LRRC49: variants seen among roughly 807,000 people sequenced by gnomAD.
LRRC49 encodes leucine-rich repeat-containing protein 49.
Under a neutral mutation model 83.3 loss-of-function variants are expected in LRRC49, and 50 were observed. That is an observed-to-expected ratio of 0.60 (90% CI 0.48 to 0.76). The LOEUF (loss-of-function observed/expected upper bound fraction) is 0.76, where lower values mean the gene tolerates loss of function less well. Among genes scored for constraint, LRRC49 ranks in the 30% least tolerant of loss-of-function variants. The pLI, the probability that LRRC49 is intolerant of heterozygous loss-of-function variation, is 0.00. For synonymous variants in LRRC49, 286 were observed against 283.3 expected (o/e 1.01, Z -0.10); for missense variants, 704 against 809.1 (o/e 0.87, Z 1.58).
In LRRC49 at chr15:70,904,702, T is replaced by C; in HGVS notation, c.447T>C (p.Ile149=). 1 of 1,613,750 alleles carries C rather than the reference T, an allele frequency of 6.2e-7. No homozygotes were observed. Among genetic ancestry groups the C allele is most frequent in the Non-Finnish European group, 8.5e-7 (1 of 1,179,742 alleles). Residue 149 remains isoleucine (I), a synonymous_variant, in exon 5 of 16, where the codon ATT becomes ATC. Coordinates refer to ENST00000260382, the MANE Select transcript of LRRC49 (RefSeq NM_017691.5). The part of the protein sequence containing the change: ...LDLYDNQIEE[I]SGLSTLRCLR... ...TATATGATAACCAGATTGAAGAAAT[T>C]AGTGGGCTTTCGACTCTGAGATGTC...
chr15:71,045,672 T>A (rs1276683194), intron 15 of LRRC49, among the ~76,000 whole-genome samples: 2 of 152,202 alleles, frequency 1.3e-5, no homozygotes, highest in African/African-American at 4.8e-5. Context: ...GATTTAAGCA[T>A]TTTTTCTTAT....
chr15:71,016,869 G>A (rs948164015), intron 14 of LRRC49, among the ~76,000 whole-genome samples: 5 of 152,140 alleles, frequency 3.3e-5, no homozygotes, highest in Non-Finnish European at 7.4e-5. Context: ...ACTTTGGGAG[G>A]CTGAGGCAGG....
In LRRC49 at chr15:70,892,952, G is replaced by A; in HGVS notation, c.48+10G>A. ...CCGGGCTGCGAACAACGTAAGTTGG[G>A]CCTTCTACTTTCTCTTTCTTCCCAC... On this transcript the variant is annotated intron_variant, in intron 1 of 15. Coordinates refer to ENST00000260382, the MANE Select transcript of LRRC49 (RefSeq NM_017691.5). 2 of 1,614,108 alleles carry A rather than the reference G, an allele frequency of 1.2e-6. No individual in the cohort carries two copies. The highest frequency in any genetic ancestry group is 1.7e-6 in the Non-Finnish European group (2 of 1,179,968).
intron 2 of LRRC49, chr15:70,883,010 G>T: frequency 8.4e-7 from 1 of 1,191,744 alleles, no homozygotes; most frequent in Non-Finnish European, 1.2e-6. Flanking sequence ...AAAATTTTCA[G>T]TCACATATTA....
At chr15:70,895,757 T>G in intron 2 of LRRC49, 92 bp from the exon 3 acceptor site, 1 of 688,314 alleles carries the variant, frequency 1.5e-6, no homozygotes, top group South Asian at 1.9e-5. Flanking sequence ...TTGTACCATG[T>G]GTATCAGTTA....
At chr15:71,002,028 G>A (rs1355107800) in intron 11 of LRRC49, among the ~76,000 whole-genome samples, 1 of 152,046 alleles carries the variant, frequency 6.6e-6, no homozygotes, top group Non-Finnish European at 1.5e-5. Flanking sequence ...ACAAAGTGAA[G>A]AATTTTAAAC....
At position 70,915,412 on chromosome 15, in the gene LRRC49, G is replaced by A. The variant is rs140076604; in HGVS notation, c.568-3638G>A. ...ATTAGCAGAAGGGAGAAAACACACC[G>A]TGCAGATCATACAATTGTCCCCCAT... On this transcript the variant is annotated intron_variant, in intron 6 of 15. Coordinates refer to ENST00000260382, the MANE Select transcript of LRRC49 (RefSeq NM_017691.5). Among the ~76,000 whole-genome samples the A allele has an allele frequency of 7.6e-4, 116 of 152,234 alleles. 1 individual carries two copies. Among genetic ancestry groups the A allele is most frequent in the African/African-American group, 2.6e-3 (109 of 41,552 alleles).
chr15:70,904,859 AT>A, intron 5 of LRRC49, 104 bp downstream of exon 5: 2 of 818,222 alleles, frequency 2.4e-6, no homozygotes, highest in Non-Finnish European at 3.8e-6. Flanking sequence ...ATAGGCTAAA[AT>A]TTTTTAAAAA....
Position 71,017,156 on chromosome 15 carries a change from C to T in LRRC49, c.1703+4243C>T, listed in dbSNP as rs185279865. The stretch of plus-strand genomic sequence containing the variant: ...AATACAATTAGGAACAAAAAGGAAG[C>T]TTAAAAATGAATATTTACAATGTTA... On this transcript the variant is annotated intron_variant, in intron 14 of 15. Coordinates refer to ENST00000260382, the MANE Select transcript of LRRC49 (RefSeq NM_017691.5). Among the ~76,000 whole-genome samples the T allele has an allele frequency of 6.1e-4, 92 of 152,004 alleles. 1 individual carries two copies. The highest frequency in any genetic ancestry group is 2.4e-3 in the Admixed American group (37 of 15,254).
chr15:70,925,789 A>G (rs771283491), intron 7 of LRRC49, among the ~76,000 whole-genome samples: 3 of 152,224 alleles, frequency 2.0e-5, no homozygotes, highest in Non-Finnish European at 4.4e-5. Context: ...GTTTAAATCT[A>G]AATATGAAGA....
intron 11 of LRRC49, among the ~76,000 whole-genome samples, chr15:71,000,160 G>A (rs112540093): frequency 2.5e-3 from 387 of 152,236 alleles, no homozygotes; most frequent in Non-Finnish European, 4.1e-3. Flanking sequence ...TTCATTAAGT[G>A]TTTCCCTGGT....
rs111883096 is a variant in LRRC49, at chr15:70,962,117, A to G, written c.774-1668A>G. On this transcript the variant is annotated intron_variant, in intron 8 of 15. Transcript: ENST00000260382. Reference sequence around the variant, plus strand: ...TGTTTCTCATTGGGGGTACACATTAAACATTCTGATACCTCTATACATACA... The same window carrying G: ...TGTTTCTCATTGGGGGTACACATTAGACATTCTGATACCTCTATACATACA... Among the ~76,000 whole-genome samples, 516 of 152,318 alleles carry G rather than the reference A, an allele frequency of 3.4e-3. 1 individual carries two copies. The highest frequency in any genetic ancestry group is 4.5e-3 in the Non-Finnish European group (306 of 68,012).
At position 70,854,180 on chromosome 15, in the gene LRRC49, G is replaced by T; in HGVS notation, c.-299+711G>T. 4.1e-6 allele frequency: 4 copies of T among 975,602 alleles called. 1 individual carries two copies. The highest frequency in any genetic ancestry group is 5.2e-6 in the Non-Finnish European group (4 of 770,356). The allele number at this position is 975,602 out of a possible 1,614,324, so 60.4% of individuals were successfully genotyped here. A position where few individuals can be genotyped will look rare whatever the true frequency, so the allele number is the denominator to read the frequency against. On this transcript the variant is annotated intron_variant, in intron 1 of 16. Coordinates refer to the LRRC49 transcript ENST00000544974. ...ACTGCGACGAGGGGGCGGGGGCGGTGCGAGCGCGCCTGCCGCTCGGCCCAG... is the reference window on the plus strand; with the variant it reads ...ACTGCGACGAGGGGGCGGGGGCGGTTCGAGCGCGCCTGCCGCTCGGCCCAG...
chr15:71,009,555 A>G (rs1374442004), intron 12 of LRRC49: 1 of 325,764 alleles, frequency 3.1e-6, no homozygotes, highest in Non-Finnish European at 5.5e-6. Context: ...ATGTTGGTTT[A>G]TAAGTGAGAC....
At chr15:70,964,374 G>A (rs2036718063) in intron 9 of LRRC49, among the ~76,000 whole-genome samples, 1 of 151,926 alleles carries the variant, frequency 6.6e-6, no homozygotes, top group African/African-American at 2.4e-5. Context: ...AGTAAAATGG[G>A]GATCAGAATT....
intron 8 of LRRC49, among the ~76,000 whole-genome samples, chr15:70,955,736 GT>G (rs147106332): frequency 6.6e-6 from 1 of 151,662 alleles, no homozygotes; most frequent in African/African-American, 2.4e-5. Context: ...GTCCTCATTT[GT>G]TTTTTTTAGC....
At chr15:71,042,317 G>A (rs2039720748) in intron 15 of LRRC49, among the ~76,000 whole-genome samples, 1 of 152,092 alleles carries the variant, frequency 6.6e-6, no homozygotes, top group African/African-American at 2.4e-5. Context: ...TGTAAGCAGA[G>A]TCTTGATTAA....
chr15:70,890,203 T>C (rs1206943738), upstream of LRRC49, among the ~76,000 whole-genome samples: 1 of 152,126 alleles, frequency 6.6e-6, no homozygotes, highest in Admixed American at 6.6e-5. Flanking sequence ...AAAAATGGTG[T>C]AGGGGGATGT....
intron 11 of LRRC49, among the ~76,000 whole-genome samples, chr15:71,003,943 A>G (rs2038360050): frequency 6.6e-6 from 1 of 152,032 alleles, no homozygotes; most frequent in Non-Finnish European, 1.5e-5. Context: ...GCCTCTCCCT[A>G]CTATGTCCTC....
Sources: gnomAD v4.1 joint callset for allele counts (sites outside exome capture counted in the v4.1 genomes callset) on GRCh38, gnomAD v4.1.1 for gene constraint, MANE v1.5 for transcripts, NCBI Gene and HGNC (gene_info 2026-07-23, HGNC 2026-07-21) for gene names.